The following ENOPH1 variants were observed in gnomAD, a reference collection of about 807,000 sequenced individuals.
ENOPH1 encodes the protein enolase-phosphatase 1.
A neutral mutation model predicts 31.1 loss-of-function variants in ENOPH1; 14 were observed. That is an observed-to-expected ratio of 0.45 (90% confidence interval 0.30 to 0.70). The LOEUF (loss-of-function observed/expected upper bound fraction) is 0.70, where lower values mean the gene tolerates loss of function less well. Ranked by LOEUF, ENOPH1 falls within the 30% of genes least tolerant of loss-of-function variation. The pLI is 0.09. For missense variants in ENOPH1, 243 were observed against 321.5 expected, an observed-to-expected ratio of 0.76 and a Z score of 1.87; for synonymous variants, 127 against 123.2, an observed-to-expected ratio of 1.03 and a Z score of -0.21.
At chr4:82,439,477 G>GT (rs1721988185) in intron 1 of ENOPH1, among the ~76,000 whole-genome samples, 1 of 152,142 alleles carries the variant, frequency 6.6e-6, no homozygotes, top group East Asian at 1.9e-4. Context: ...CCAAGTCGTT[G>GT]TAAGTTCAGG....
intron 1 of ENOPH1, among the ~76,000 whole-genome samples, chr4:82,447,178 G>T (rs909809598): frequency 1.3e-5 from 2 of 151,900 alleles, no homozygotes; most frequent in African/African-American, 4.8e-5. Flanking sequence ...TAGAGACAGG[G>T]TTTCACCATG....
intron 1 of ENOPH1, among the ~76,000 whole-genome samples, chr4:82,447,273 A>C (rs1722220189): frequency 6.6e-6 from 1 of 152,342 alleles, no homozygotes; most frequent in South Asian, 2.1e-4. Context: ...AGTGTGAGCC[A>C]CCATGCCCAG....
chr4:82,457,719 G>T (rs1980187), intron 5 of ENOPH1, among the ~76,000 whole-genome samples: 81,590 of 151,956 alleles, frequency 0.54, 22,052 homozygotes, highest in South Asian at 0.65. Context: ...TAAGGGGTAG[G>T]TAGTTGAGCC....
In ENOPH1 at chr4:82,460,071, A is replaced by G; in HGVS notation, c.737A>G (p.Tyr246Cys). Residue 246 changes from tyrosine (Y) to cysteine (C), a missense_variant, in exon 6 of 6, where the codon TAC becomes TGC. Transcript: ENST00000273920. ...TTAACAGATGATGAGAAGACTTACT[A>G]CAGCCTCATCACATCCTTCAGTGAA... ...AGLTDDEKTY[Y>C]SLITSFSELY... 1 of 1,614,150 alleles carries G rather than the reference A, an allele frequency of 6.2e-7. No individual in the cohort carries two copies.
intron 3 of ENOPH1, among the ~76,000 whole-genome samples, chr4:82,453,241 A>G (rs1458055970): frequency 6.6e-6 from 1 of 151,834 alleles, no homozygotes; most frequent in Non-Finnish European, 1.5e-5. Flanking sequence ...CCTGCTGTAA[A>G]CCCTAGGATC....
chr4:82,445,580 C>G (rs1013498813), intron 1 of ENOPH1, among the ~76,000 whole-genome samples: 1 of 152,150 alleles, frequency 6.6e-6, no homozygotes, highest in African/African-American at 2.4e-5. Context: ...CTCAGCCCCT[C>G]CAAGTAGCTG....
intron 1 of ENOPH1, among the ~76,000 whole-genome samples, chr4:82,440,615 T>G (rs1223912143): frequency 6.6e-6 from 1 of 152,224 alleles, no homozygotes; most frequent in African/African-American, 2.4e-5. Flanking sequence ...CAAGTTCCCT[T>G]TCTGGAACTC....
At chr4:82,442,755 A>G (rs985787012) in intron 1 of ENOPH1, among the ~76,000 whole-genome samples, 5 of 152,152 alleles carry the variant, frequency 3.3e-5, no homozygotes, top group Admixed American at 6.5e-5. Flanking sequence ...TGCTGTACAT[A>G]CTGTTTGTAA....
At chr4:82,443,010 T>C (rs552869876) in intron 1 of ENOPH1, among the ~76,000 whole-genome samples, 1 of 152,290 alleles carries the variant, frequency 6.6e-6, no homozygotes, top group African/African-American at 2.4e-5. Flanking sequence ...TTTCACCATG[T>C]TGGCCAGGCT....
intron 1 of ENOPH1, among the ~76,000 whole-genome samples, chr4:82,441,745 G>A (rs927424092): frequency 5.9e-5 from 9 of 152,094 alleles, no homozygotes; most frequent in African/African-American, 9.7e-5. Context: ...TTCACGACCC[G>A]CCTGGGCAAC....
Sources: gnomAD v4.1 joint callset for allele counts (sites outside exome capture counted in the v4.1 genomes callset) on GRCh38, gnomAD v4.1.1 for gene constraint, MANE v1.5 for transcripts, NCBI Gene and HGNC (gene_info 2026-07-23, HGNC 2026-07-21) for gene names.